TARBP2: variants seen among roughly 807,000 people sequenced by gnomAD.
TARBP2 encodes the protein TARBP2 subunit of RISC loading complex, also known as RISC-loading complex subunit TARBP2.
TARBP2 carries 23 observed loss-of-function variants against 40.4 expected under a neutral mutation model. The observed-to-expected ratio is 0.57, with a 90% CI of 0.41 to 0.81. The LOEUF is 0.81. Among genes scored for constraint, TARBP2 ranks in the 30% least tolerant of loss-of-function variants. TARBP2 has a pLI of 0.00. For synonymous variants in TARBP2, 183 were observed against 190.5 expected (o/e 0.96, Z 0.32); for missense variants, 358 against 473.7 (o/e 0.76, Z 2.27).
chr12:53,505,955 C>CCCAACATTGCCTCCCTCCT lies in TARBP2; in HGVS notation c.944-34_944-16dup. On this transcript the variant is annotated intron_variant, in intron 8 of 8. Transcript: ENST00000266987. The surrounding 1 kb of genome is among the most constrained non-coding windows in gnomAD (Gnocchi z 4.5). ...CGCACCCCTCCCCAGGGCTACCTCC[C>CCCAACATTGCCTCCCTCCT]CCAACATTGCCTCCCTCCTCTCTCT... 3.1e-6 allele frequency: 5 copies of CCCAACATTGCCTCCCTCCT among 1,607,126 alleles called. No individual in the cohort carries two copies. Among genetic ancestry groups the CCCAACATTGCCTCCCTCCT allele is most frequent in the Non-Finnish European group, 4.3e-6 (5 of 1,174,500 alleles).
Position 53,505,015 on chromosome 12 carries a change from A to G in TARBP2, c.614-120A>G. ...TGACCAGGTTCTCACGTGCATGGGC[A>G]GGTCTTGAGTTCCCCTTTCCAGTTG... is the stretch of plus-strand genomic sequence containing the variant. On this transcript the variant is annotated intron_variant, in intron 6 of 8. Coordinates refer to ENST00000266987, the MANE Select transcript of TARBP2 (RefSeq NM_134323.2). The surrounding 1 kb of genome is among the most constrained non-coding windows in gnomAD (Gnocchi z 4.5). 1.3e-6 allele frequency: 2 copies of G among 1,502,540 alleles called. No homozygotes were observed. The highest frequency in any genetic ancestry group is 2.6e-5 in the South Asian group (2 of 76,428). 93.1% of individuals were successfully genotyped at this position (1,502,540 alleles called of 1,614,324 possible).
Position 53,504,806 on chromosome 12 carries a change from A to G in TARBP2, c.604A>G (p.Ile202Val). 1 of 1,613,974 alleles carries G rather than the reference A, an allele frequency of 6.2e-7. No homozygotes were observed. Among genetic ancestry groups the G allele is most frequent in the Non-Finnish European group, 8.5e-7 (1 of 1,179,930 alleles). The change falls in exon 6 of 9, where the codon ATT becomes GTT. Residue 202 changes from isoleucine to valine, a missense_variant. Physicochemically the swap from Ile to Val is conservative, Grantham distance 29. Around this residue, in one of 3 missense-constraint regions of TARBP2, gnomAD observed 317 missense variants for 422.9 expected, o/e 0.75. Coordinates refer to ENST00000266987, the MANE Select transcript of TARBP2 (RefSeq NM_134323.2). ...CATGACCTGTCGAGTGGAGCGTTTC[A>G]TTGAGATTGGTAACTGGGCAAGAAG... Reference protein sequence around the residue: ...FTMTCRVERFIEIGSGTSKKL... With the variant: ...FTMTCRVERFVEIGSGTSKKL...
Position 53,504,736 on chromosome 12 carries a change from C to T in TARBP2, c.534C>T (p.Tyr178=). 1 of 1,614,184 alleles carries T rather than the reference C, an allele frequency of 6.2e-7. No homozygotes were observed. Among genetic ancestry groups the T allele is most frequent in the Non-Finnish European group, 8.5e-7 (1 of 1,180,024 alleles). The change falls in exon 6 of 9, where the codon TAC becomes TAT. Residue 178 remains tyrosine (Y), a synonymous_variant. Transcript: ENST00000266987. ...AGAAAGGCTGGCGGTTGCCGGAGTA[C>T]ACAGTGACCCAGGAGTCTGGGCCAG... ...VVQKGWRLPE[Y]TVTQESGPAH...
chr12:53,505,191 C>A lies in TARBP2; in HGVS notation c.670C>A (p.Arg224=). The A allele has an allele frequency of 6.2e-7, 1 of 1,611,760 alleles. No homozygotes were observed. The highest frequency in any genetic ancestry group is 8.5e-7 in the Non-Finnish European group (1 of 1,178,032). Residue 224 remains arginine, a synonymous_variant, in exon 7 of 9, where the codon CGA becomes AGA. Coordinates refer to ENST00000266987, the MANE Select transcript of TARBP2 (RefSeq NM_134323.2). The surrounding 1 kb of genome is among the most constrained non-coding windows in gnomAD (Gnocchi z 4.5). ...GAATGCGGCGGCCAAAATGCTGCTT[C>A]GAGTGCACACGGTGCCTCTGGATGC... is the stretch of plus-strand genomic sequence containing the variant. ...KRNAAAKMLL[R]VHTVPLDARD... is the part of the protein sequence containing the mutation.
chr12:53,502,382 G>T (rs1342784310), intron 2 of TARBP2, 198 bp downstream of exon 2: 1 of 650,348 alleles, frequency 1.5e-6, no homozygotes, highest in Non-Finnish European at 2.6e-6. Context: ...TTAGAGGAGC[G>T]AGCAGGACTC....
chr12:53,506,163 T>G lies in TARBP2; in HGVS notation c.*15T>G. On this transcript the variant is annotated 3_prime_UTR_variant, in exon 9 of 9. Transcript: ENST00000266987. ...GCAGCAAGTGAAGCCCCAGCTGGAC[T>G]CATGGATGTGCACCCTTTGCTCCCT... 1 of 1,612,046 alleles carries G rather than the reference T, an allele frequency of 6.2e-7. No individual in the cohort carries two copies. The highest frequency in any genetic ancestry group is 1.1e-5 in the South Asian group (1 of 90,972).
At position 53,505,686 on chromosome 12, in the gene TARBP2, G is replaced by C; in HGVS notation, c.779G>C (p.Gly260Ala). ...CGCCTGGATGGTCTTCGAAACCGGG[G>C]CCCAGGTTGCACCTGGGATTCTCTA... ...GSRLDGLRNR[G>A]PGCTWDSLRN... The change falls in exon 8 of 9, where the codon GGC (glycine) becomes GCC (alanine). Residue 260 changes from glycine to alanine, a missense_variant. This residue lies in a region of TARBP2 where 317 missense variants were observed against 422.9 expected (regional missense o/e 0.75). Coordinates refer to ENST00000266987, the MANE Select transcript of TARBP2 (RefSeq NM_134323.2). This position sits in a 1 kb window ranked among gnomAD's most constrained non-coding sequence, Gnocchi z 4.5. 5 of 1,614,134 alleles carry C rather than the reference G, an allele frequency of 3.1e-6. No individual in the cohort carries two copies. The highest frequency in any genetic ancestry group is 4.2e-6 in the Non-Finnish European group (5 of 1,180,006).
At chr12:53,501,879 G>C (rs1234953045) in intron 1 of TARBP2, 136 bp from the exon 2 acceptor site, 3 of 1,406,092 alleles carry the variant, frequency 2.1e-6, no homozygotes, top group Non-Finnish European at 2.9e-6. Flanking sequence ...TTGGAACCCA[G>C]CCAATGGATG....
chr12:53,504,458 G>C lies in TARBP2; in HGVS notation c.484G>C (p.Gly162Arg). 6.2e-7 allele frequency: 1 copy of C among 1,613,418 alleles called. No homozygotes were observed. Among genetic ancestry groups the C allele is most frequent in the Non-Finnish European group, 8.5e-7 (1 of 1,179,658 alleles). Residue 162 changes from glycine to arginine, a missense_variant, in exon 5 of 9, where the codon GGT becomes CGT. Transcript: ENST00000266987. ...SPQQSECNPV[G>R]ALQELVVQKG... is the part of the protein sequence containing the mutation. ...TCAGCAGTCTGAGTGCAACCCCGTT[G>C]GTGCTCTGCAGGTGTGTCCCATCCT... is the stretch of plus-strand genomic sequence containing the variant.
At position 53,505,309 on chromosome 12, in the gene TARBP2, A is replaced by ACC. The variant is rs1943922685; in HGVS notation, c.741+47_741+48insCC. On this transcript the variant is annotated intron_variant, in intron 7 of 8. Coordinates refer to ENST00000266987, the MANE Select transcript of TARBP2 (RefSeq NM_134323.2). This position sits in a 1 kb window ranked among gnomAD's most constrained non-coding sequence, Gnocchi z 4.5. ...GGCACCGTGGCCCATCCTCCATGCC[A>ACC]GGGCAGGGCTCCAGGGACTTGGGTC... 3 of 1,546,600 alleles carry ACC rather than the reference A, an allele frequency of 1.9e-6. No individual in the cohort carries two copies. The highest frequency in any genetic ancestry group is 2.6e-6 in the Non-Finnish European group (3 of 1,140,468).
rs1943951533 is a variant in TARBP2, at chr12:53,505,810, C to T, written c.903C>T (p.Leu301=). The change falls in exon 8 of 9, where the codon CTC becomes CTT. Residue 301 remains leucine, a synonymous_variant. Coordinates refer to ENST00000266987, the MANE Select transcript of TARBP2 (RefSeq NM_134323.2). This position sits in a 1 kb window ranked among gnomAD's most constrained non-coding sequence, Gnocchi z 4.5. ...GPACCRVLSE[L]SEEQAFHVSY... The stretch of plus-strand genomic sequence containing the variant: ...CCTGCTGCCGTGTCCTCAGTGAGCT[C>T]TCTGAGGAGCAGGCCTTTCACGTCA... The T allele has an allele frequency of 6.2e-7, 1 of 1,614,080 alleles. No individual in the cohort carries two copies. Among genetic ancestry groups the T allele is most frequent in the African/African-American group, 1.3e-5 (1 of 75,012 alleles).
chr12:53,503,077 C>G lies in TARBP2; in HGVS notation c.274C>G (p.Leu92Val). Reference sequence around the variant, plus strand: ...CAAGCACAAGGCAGCTGAGGTGGCCCTCAAACACCTCAAAGGGGGGAGCAT... The same window carrying G: ...CAAGCACAAGGCAGCTGAGGTGGCCGTCAAACACCTCAAAGGGGGGAGCAT... ...AAKHKAAEVA[L>V]KHLKGGSMLE... The change falls in exon 3 of 9, where the codon CTC becomes GTC. Residue 92 changes from leucine to valine, a missense_variant. This residue lies in a region of TARBP2 where 317 missense variants were observed against 422.9 expected (regional missense o/e 0.75). Coordinates refer to ENST00000266987, the MANE Select transcript of TARBP2 (RefSeq NM_134323.2). The G allele has an allele frequency of 6.4e-7, 1 of 1,550,940 alleles. No homozygotes were observed. The highest frequency in any genetic ancestry group is 8.7e-7 in the Non-Finnish European group (1 of 1,146,604).
At chr12:53,501,277 T>C, upstream of TARBP2, 1 of 946,238 alleles carries the variant, frequency 1.1e-6, no homozygotes, top group Non-Finnish European at 1.6e-6. Context: ...GGGGACTCCA[T>C]ATCCCAGCGT....
At position 53,501,999 on chromosome 12, in the gene TARBP2, G is replaced by A. The variant is rs1256478928; in HGVS notation, c.54-16G>A. On this transcript the variant is annotated splice_polypyrimidine_tract_variant and intron_variant, in intron 1 of 8. Transcript: ENST00000266987. ...GAGAGGGGAGGTGTGATGTGGGTCT[G>A]TGCCCCTTCCCCCAGTATAGAGCAA... The A allele has an allele frequency of 2.5e-6, 4 of 1,613,742 alleles. No individual in the cohort carries two copies. The highest frequency in any genetic ancestry group is 3.4e-6 in the Non-Finnish European group (4 of 1,179,866).
rs768213769 is a variant in TARBP2 at position 53,505,946 on chromosome 12, G to A, written c.944-45G>A. The A allele has an allele frequency of 1.2e-6, 2 of 1,605,746 alleles. No homozygotes were observed. The highest frequency in any genetic ancestry group is 4.5e-5 in the East Asian group (2 of 44,640). On this transcript the variant is annotated intron_variant, in intron 8 of 8. Transcript: ENST00000266987. This position sits in a 1 kb window ranked among gnomAD's most constrained non-coding sequence, Gnocchi z 4.5. ...TAACGTGAACGCACCCCTCCCCAGG[G>A]CTACCTCCCCCAACATTGCCTCCCT...
At position 53,505,590 on chromosome 12, in the gene TARBP2, T is replaced by A; in HGVS notation, c.742-59T>A. On this transcript the variant is annotated intron_variant, in intron 7 of 8. Coordinates refer to ENST00000266987, the MANE Select transcript of TARBP2 (RefSeq NM_134323.2). The surrounding 1 kb of genome is among the most constrained non-coding windows in gnomAD (Gnocchi z 4.5). The stretch of plus-strand genomic sequence containing the variant: ...TTGTTCTCCTTTGACGTTGAATGTC[T>A]CAATGCCTGGGTCCCACAGTCTCTC... 1 of 1,520,900 alleles carries A rather than the reference T, an allele frequency of 6.6e-7. No homozygotes were observed. The highest frequency in any genetic ancestry group is 1.4e-5 in the African/African-American group (1 of 72,948). 94.2% of individuals were successfully genotyped at this position (1,520,900 alleles called of 1,614,324 possible).
chr12:53,502,779 T>C (rs762916455), intron 2 of TARBP2: 18 of 373,896 alleles, frequency 4.8e-5, no homozygotes, highest in Non-Finnish European at 7.4e-5. Flanking sequence ...GCATTTGCGC[T>C]CAGAAGTCCA....
rs949239312 is a variant in TARBP2 at position 53,505,931 on chromosome 12, G to A, written c.944-60G>A. 3.7e-5 allele frequency: 59 copies of A among 1,603,598 alleles called. No homozygotes were observed. The highest frequency in any genetic ancestry group is 2.5e-4 in the East Asian group (11 of 44,608). On this transcript the variant is annotated intron_variant, in intron 8 of 8. Coordinates refer to ENST00000266987, the MANE Select transcript of TARBP2 (RefSeq NM_134323.2). The surrounding 1 kb of genome is among the most constrained non-coding windows in gnomAD (Gnocchi z 4.5). ...AGAAGGGGGTGATGATAACGTGAACGCACCCCTCCCCAGGGCTACCTCCCC... is the reference window on the plus strand; with the variant it reads ...AGAAGGGGGTGATGATAACGTGAACACACCCCTCCCCAGGGCTACCTCCCC...
chr12:53,502,010 C>G lies in TARBP2; in HGVS notation c.54-5C>G. 1.2e-6 allele frequency: 2 copies of G among 1,614,066 alleles called. No homozygotes were observed. Among genetic ancestry groups the G allele is most frequent in the Non-Finnish European group, 1.7e-6 (2 of 1,179,982 alleles). ...TGTGATGTGGGTCTGTGCCCCTTCC[C>G]CCAGTATAGAGCAAATGCTGGCCGC... On this transcript the variant is annotated splice_region_variant and splice_polypyrimidine_tract_variant and intron_variant, in intron 1 of 8. Coordinates refer to ENST00000266987, the MANE Select transcript of TARBP2 (RefSeq NM_134323.2).
Sources: allele counts gnomAD v4.1 joint callset, GRCh38; gene constraint gnomAD v4.1.1; regional missense constraint gnomAD v4.1.1; non-coding constraint Gnocchi (gnomAD v3.1); transcripts MANE v1.5; gene names NCBI Gene and HGNC (gene_info 2026-07-23, HGNC 2026-07-21).